Variants in PLPP4 observed in about 807,000 individuals in gnomAD.
PLPP4 encodes phospholipid phosphatase 4.
PLPP4 carries 20 observed loss-of-function variants against 32.2 expected under a neutral mutation model. That is an observed-to-expected ratio of 0.62 (90% CI 0.44 to 0.90). The LOEUF is 0.90. Ranked by LOEUF, PLPP4 falls within the 40% of genes least tolerant of loss-of-function variation. The pLI is 0.00. For missense variants in PLPP4, 257 were observed against 353.1 expected (o/e 0.73, Z 2.18); for synonymous variants, 127 against 133.0 (o/e 0.95, Z 0.31).
In PLPP4 at chr10:120,560,329, C is replaced by CAAA. The variant is rs35132547; in HGVS notation, c.446-14789_446-14787dup. ...AATGAATCGAGCCTAAGGACCATTG[C>CAAA]AAAAAAAAAAAAAAAGAAAGAAAAA... On this transcript the variant is annotated intron_variant, in intron 5 of 6. Coordinates refer to ENST00000398250, the MANE Select transcript of PLPP4 (RefSeq NM_001030059.3). 2.7e-3 allele frequency among the ~76,000 whole-genome samples: 355 copies of CAAA among 130,604 alleles called. 2 individuals carry two copies. The highest frequency in any genetic ancestry group is 0.01 in the African/African-American group (340 of 33,246). 85.7% of individuals were successfully genotyped at this position (130,604 alleles called of 152,430 possible).
intron 5 of PLPP4, among the ~76,000 whole-genome samples, chr10:120,533,914 A>G (rs1039412030): frequency 3.3e-5 from 5 of 152,176 alleles, no homozygotes; most frequent in Non-Finnish European, 5.9e-5. Context: ...ATTAGCAAAT[A>G]TATTATCTTT....
chr10:120,494,208 T>A (rs1215216304), intron 1 of PLPP4, among the ~76,000 whole-genome samples: 1 of 152,196 alleles, frequency 6.6e-6, no homozygotes, highest in African/African-American at 2.4e-5. Context: ...ACTGCTCAAA[T>A]TTAACACCCT....
At chr10:120,516,160 G>A (rs74159420) in intron 3 of PLPP4, among the ~76,000 whole-genome samples, 6,507 of 152,152 alleles carry the variant, frequency 0.043, 192 homozygotes, top group Middle Eastern at 0.14. Context: ...AGGAAGCCTC[G>A]GAAGTAGCGG....
At chr10:120,490,476 CAGAT>C (rs1844667804) in intron 1 of PLPP4, among the ~76,000 whole-genome samples, 1 of 152,262 alleles carries the variant, frequency 6.6e-6, no homozygotes, top group South Asian at 2.1e-4. Context: ...AGCCACTGAG[CAGAT>C]AGACATGCTG....
At chr10:120,539,041 C>T (rs1448364822) in intron 5 of PLPP4, among the ~76,000 whole-genome samples, 1 of 152,214 alleles carries the variant, frequency 6.6e-6, no homozygotes, top group Non-Finnish European at 1.5e-5. Flanking sequence ...TTGCCCTTCT[C>T]CCGTATTTCC....
At chr10:120,564,331 A>C (rs958426253) in intron 5 of PLPP4, among the ~76,000 whole-genome samples, 2 of 151,990 alleles carry the variant, frequency 1.3e-5, no homozygotes, top group African/African-American at 4.8e-5. Flanking sequence ...TCAGATAGAG[A>C]TCTATACAGA....
intron 1 of PLPP4, among the ~76,000 whole-genome samples, chr10:120,478,632 A>C (rs1357115349): frequency 6.6e-6 from 1 of 152,232 alleles, no homozygotes; most frequent in Non-Finnish European, 1.5e-5. Context: ...ATGATAATGC[A>C]TACTTTCTTT....
intron 6 of PLPP4, among the ~76,000 whole-genome samples, chr10:120,577,997 G>T (rs1281162545): frequency 6.6e-6 from 1 of 152,190 alleles, no homozygotes; most frequent in South Asian, 2.1e-4. Flanking sequence ...CATCCAATGG[G>T]TGGAGGGTTA....
chr10:120,569,752 G>A (rs2134036671), intron 5 of PLPP4, among the ~76,000 whole-genome samples: 1 of 152,292 alleles, frequency 6.6e-6, no homozygotes, highest in African/African-American at 2.4e-5. Context: ...AGGTATATTT[G>A]TAAAATGAAT....
At chr10:120,507,102 C>T (rs1571099) in intron 2 of PLPP4, among the ~76,000 whole-genome samples, 146,481 of 152,284 alleles carry the variant, frequency 0.96, 70,601 homozygotes, top group East Asian at 1. Context: ...AGTTGTTGCT[C>T]TTTGGTATAC....
At chr10:120,563,778 G>GTCCGC (rs1491108835) in intron 5 of PLPP4, among the ~76,000 whole-genome samples, 1 of 81,172 alleles carries the variant, frequency 1.2e-5, no homozygotes, top group Non-Finnish European at 2.6e-5. Context: ...CCGCAGTCCG[G>GTCCGC]CCTGGGCGAC....
intron 6 of PLPP4, among the ~76,000 whole-genome samples, chr10:120,588,823 A>T (rs1849883611): frequency 6.6e-6 from 1 of 152,242 alleles, no homozygotes; most frequent in Admixed American, 6.5e-5. Context: ...AGGTGTGCAG[A>T]TCACATGAGG....
At chr10:120,472,189 G>A (rs955499772) in intron 1 of PLPP4, among the ~76,000 whole-genome samples, 7 of 151,902 alleles carry the variant, frequency 4.6e-5, no homozygotes, top group African/African-American at 9.7e-5. Flanking sequence ...TTATCAGTTC[G>A]GTTAGATTTG....
chr10:120,575,437 G>A (rs866237588), intron 6 of PLPP4, 136 bp downstream of exon 6: 108 of 951,248 alleles, frequency 1.1e-4, no homozygotes, highest in Middle Eastern at 8.5e-4. Context: ...ATGACAGAGC[G>A]GATAAAATTT....
At chr10:120,580,259 G>A (rs558016418) in intron 6 of PLPP4, among the ~76,000 whole-genome samples, 2 of 152,256 alleles carry the variant, frequency 1.3e-5, no homozygotes, top group Admixed American at 1.3e-4. Flanking sequence ...AAAATCTAGG[G>A]GAGGAATAAT....
intron 5 of PLPP4, among the ~76,000 whole-genome samples, chr10:120,555,483 T>A (rs1176308307): frequency 1.3e-5 from 2 of 152,164 alleles, no homozygotes; most frequent in African/African-American, 4.8e-5. Context: ...GAGACCGGGG[T>A]CTCTGAAGAG....
At chr10:120,465,076 G>T (rs1341950386) in intron 1 of PLPP4, among the ~76,000 whole-genome samples, 4 of 152,176 alleles carry the variant, frequency 2.6e-5, no homozygotes. Context: ...TAGTTGTAAA[G>T]AATATGCCTT....
intron 2 of PLPP4, among the ~76,000 whole-genome samples, chr10:120,513,272 G>A (rs1412663195): frequency 6.6e-6 from 1 of 152,146 alleles, no homozygotes; most frequent in Non-Finnish European, 1.5e-5. Context: ...GAGGCTCCTG[G>A]ACTTGATGGT....
intron 5 of PLPP4, among the ~76,000 whole-genome samples, chr10:120,529,536 T>G (rs1340702135): frequency 6.6e-6 from 1 of 152,096 alleles, no homozygotes; most frequent in Non-Finnish European, 1.5e-5. Context: ...CAGAGTCAGA[T>G]TAAAGGTTAT....
Sources: gnomAD v4.1 joint callset for allele counts (sites outside exome capture counted in the v4.1 genomes callset) on GRCh38, gnomAD v4.1.1 for gene constraint, MANE v1.5 for transcripts, NCBI Gene and HGNC (gene_info 2026-07-23, HGNC 2026-07-21) for gene names.